DSG3: variants seen among roughly 807,000 people sequenced by gnomAD.
DSG3 encodes the protein desmoglein-3.
Under a neutral mutation model 85.9 loss-of-function variants are expected in DSG3, and 63 were observed. The ratio of observed to expected loss-of-function variants is 0.73; its 90% confidence interval spans 0.60 to 0.90. The LOEUF is 0.90. DSG3 is among the 40% of genes least tolerant of loss of function. DSG3 has a pLI of 0.00. For synonymous variants in DSG3, 447 were observed against 441.9 expected (o/e 1.01, Z -0.14); for missense variants, 1,220 against 1,219.9 (o/e 1.00, Z 0.00).
chr18:31,457,819 C>T (rs896412927), intron 3 of DSG3, among the ~76,000 whole-genome samples: 7 of 151,696 alleles, frequency 4.6e-5, no homozygotes, highest in East Asian at 3.9e-4. Context: ...TTAGTAGAGA[C>T]GGGGTTTCAC....
At position 31,457,086 on chromosome 18, in the gene DSG3, G is replaced by C; in HGVS notation, c.178G>C (p.Glu60Gln). Residue 60 changes from glutamate to glutamine, a missense_variant, in exon 3 of 16, where the codon GAA becomes CAA. By Grantham distance (29) the Glu-to-Gln change is conservative (BLOSUM62 2). Coordinates refer to ENST00000257189, the MANE Select transcript of DSG3 (RefSeq NM_001944.3). ...EWVKFAKPCR[E>Q]GEDNSKRNPI... ...GGTGAAATTTGCCAAACCCTGCAGA[G>C]AAGGAGAAGATAACTCAAAAAGAAA... 6.2e-7 allele frequency: 1 copy of C among 1,612,982 alleles called. No individual in the cohort carries two copies. Among genetic ancestry groups the C allele is most frequent in the Non-Finnish European group, 8.5e-7 (1 of 1,179,546 alleles).
At position 31,476,179 on chromosome 18, in the gene DSG3, T is replaced by C. The variant is rs201418907; in HGVS notation, c.2919T>C (p.Pro973=). The C allele has an allele frequency of 7.4e-6, 12 of 1,614,212 alleles. 1 individual carries two copies. Among genetic ancestry groups the C allele is most frequent in the Non-Finnish European group, 1.0e-5 (12 of 1,180,040 alleles). The change falls in exon 16 of 16, where the codon CCT becomes CCC. Residue 973 remains proline, a synonymous_variant. Coordinates refer to ENST00000257189, the MANE Select transcript of DSG3 (RefSeq NM_001944.3). The part of the protein sequence containing the change: ...ERVICPISSV[P]GNLAGPTQLR... ...TGATCTGTCCCATTTCCAGTGTTCC[T>C]GGCAACCTAGCTGGCCCAACGCAGC...
chr18:31,472,260 A>G (rs757651916), intron 12 of DSG3, 24 bp from the exon 13 acceptor site: 1 of 1,613,774 alleles, frequency 6.2e-7, no homozygotes, highest in Non-Finnish European at 8.5e-7. Context: ...AAGTGTTCTG[A>G]TGTTTTGTTT....
chr18:31,478,479 ATG>A lies in DSG3; in HGVS notation c.*2223_*2224del, dbSNP rs1228847364. 3 of 152,182 alleles carry A rather than the reference ATG, an allele frequency of 2.0e-5. No homozygotes were observed. Among genetic ancestry groups the A allele is most frequent in the African/African-American group, 4.8e-5 (2 of 41,434 alleles). The allele number at this position is 152,182 out of a possible 1,614,324, so 9.4% of individuals were successfully genotyped here. A position where few individuals can be genotyped will look rare whatever the true frequency, so the allele number is the denominator to read the frequency against. On this transcript the variant is annotated 3_prime_UTR_variant, in exon 16 of 16. Transcript: ENST00000257189. ...TATATAAGAGAGAAATTGAAATTAA[ATG>A]TGTTTTTAAATTTCAAAAAAAAATC...
intron 8 of DSG3, 69 bp from the exon 9 acceptor site, chr18:31,464,042 G>C (rs566342506): frequency 1.5e-5 from 21 of 1,431,636 alleles, no homozygotes; most frequent in Non-Finnish European, 1.8e-5. Context: ...ATAGTGTGCT[G>C]TCATCATCTA....
At chr18:31,467,034 A>G (rs1568089948) in intron 11 of DSG3, among the ~76,000 whole-genome samples, 1 of 152,158 alleles carries the variant, frequency 6.6e-6, no homozygotes, top group Non-Finnish European at 1.5e-5. Flanking sequence ...TAGTGCACCC[A>G]AAAAAGATTA....
At position 31,472,735 on chromosome 18, in the gene DSG3, A is replaced by G; in HGVS notation, c.2048A>G (p.Asn683Ser). 1 of 1,614,010 alleles carries G rather than the reference A, an allele frequency of 6.2e-7. No homozygotes were observed. The highest frequency in any genetic ancestry group is 8.5e-7 in the Non-Finnish European group (1 of 1,179,936). The part of the protein sequence containing the change: ...GAHPEDKEIT[N>S]ICVPPVTANG... ...TCACATGGTTTGCAGGAAATCACAAATATTTGTGTGCCTCCTGTAACAGCC... is the reference window on the plus strand; with the variant it reads ...TCACATGGTTTGCAGGAAATCACAAGTATTTGTGTGCCTCCTGTAACAGCC... The change falls in exon 14 of 16, where the codon AAT becomes AGT. Residue 683 changes from asparagine (N) to serine (S), a missense_variant. Asn to Ser is a conservative substitution (Grantham distance 46, BLOSUM62 1). Coordinates refer to ENST00000257189, the MANE Select transcript of DSG3 (RefSeq NM_001944.3).
intron 4 of DSG3, among the ~76,000 whole-genome samples, 157 bp downstream of exon 4, chr18:31,458,757 A>G (rs1479160414): frequency 2.6e-5 from 4 of 152,210 alleles, no homozygotes; most frequent in Non-Finnish European, 5.9e-5. Context: ...GCCTCGCCTG[A>G]GGGAACACAG....
At position 31,458,567 on chromosome 18, in the gene DSG3, T is replaced by C; in HGVS notation, c.339T>C (p.Ala113=). The C allele has an allele frequency of 6.2e-7, 1 of 1,613,966 alleles. No individual in the cohort carries two copies. Among genetic ancestry groups the C allele is most frequent in the Non-Finnish European group, 8.5e-7 (1 of 1,179,916 alleles). ...DKNTGDINIT[A]IVDREETPSF... ...ACACTGGAGATATTAACATAACAGCTATAGTCGACCGGGAGGAAACTCCAA... is the reference window on the plus strand; with the variant it reads ...ACACTGGAGATATTAACATAACAGCCATAGTCGACCGGGAGGAAACTCCAA... Residue 113 remains alanine (A), a synonymous_variant, in exon 4 of 16, where the codon GCT becomes GCC. Transcript: ENST00000257189.
In DSG3 at chr18:31,464,124, AACAACT is replaced by A; in HGVS notation, c.1018_1023del (p.Leu340_Gln341del). 2 of 1,612,114 alleles carry A rather than the reference AACAACT, an allele frequency of 1.2e-6. No homozygotes were observed. The highest frequency in any genetic ancestry group is 1.7e-6 in the Non-Finnish European group (2 of 1,179,026). Reference sequence around the variant, plus strand: ...TTTTTTCTCCAGGCTCTAGATTATGAACAACTACAAAGCGTGAAACTTAGTATTGCT... The same window carrying A: ...TTTTTTCTCCAGGCTCTAGATTATGAACAAAGCGTGAAACTTAGTATTGCT... On this transcript the variant is annotated inframe_deletion, in exon 9 of 16. Coordinates refer to ENST00000257189, the MANE Select transcript of DSG3 (RefSeq NM_001944.3).
rs550185588 is a variant in DSG3 at position 31,476,482 on chromosome 18, A to G, written c.*222A>G. 2.0e-5 allele frequency: 9 copies of G among 446,118 alleles called. No individual in the cohort carries two copies. Among genetic ancestry groups the G allele is most frequent in the African/African-American group, 1.4e-4 (7 of 49,858 alleles). The allele number at this position is 446,118 out of a possible 1,614,324, so 27.6% of individuals were successfully genotyped here. Reference sequence around the variant, plus strand: ...TACTATTCAAATTGTAGTAAATCTTAAAGTTTTTCAAAACCCTAAAATCAT... The same window carrying G: ...TACTATTCAAATTGTAGTAAATCTTGAAGTTTTTCAAAACCCTAAAATCAT... On this transcript the variant is annotated 3_prime_UTR_variant, in exon 16 of 16. Transcript: ENST00000257189.
chr18:31,457,592 CTTTCTTTCTTTCTTTCT>C (rs1568086514), intron 3 of DSG3, among the ~76,000 whole-genome samples: 12 of 48,206 alleles, frequency 2.5e-4, no homozygotes, highest in African/African-American at 7.4e-4. Context: ...TTTCTTCTTT[CTTTCTTTCTTTCTTTCT>C]TTCTTTCTTT....
chr18:31,447,938 T>G lies in DSG3; in HGVS notation c.48+13T>G, dbSNP rs748521213. ...GGCCATCTTCGTGGTAAGTCCTGGA[T>G]TTTCCTAATAATCACAAACTTCCCT... On this transcript the variant is annotated intron_variant, in intron 1 of 15. Coordinates refer to ENST00000257189, the MANE Select transcript of DSG3 (RefSeq NM_001944.3). 2 of 1,552,472 alleles carry G rather than the reference T, an allele frequency of 1.3e-6. No homozygotes were observed.
In DSG3 at chr18:31,475,980, C is replaced by T; in HGVS notation, c.2720C>T (p.Ala907Val). The change falls in exon 16 of 16, where the codon GCT becomes GTT. Residue 907 changes from alanine to valine, a missense_variant. Coordinates refer to ENST00000257189, the MANE Select transcript of DSG3 (RefSeq NM_001944.3). ...KCQTLSGSQG[A>V]SALSTSGSVQ... Reference sequence around the variant, plus strand: ...CAGACTTTGTCAGGAAGTCAAGGAGCTTCTGCTTTGTCCACCTCTGGGTCT... The same window carrying T: ...CAGACTTTGTCAGGAAGTCAAGGAGTTTCTGCTTTGTCCACCTCTGGGTCT... The T allele has an allele frequency of 1.2e-6, 2 of 1,614,208 alleles. No individual in the cohort carries two copies. Among genetic ancestry groups the T allele is most frequent in the South Asian group, 1.1e-5 (1 of 91,080 alleles).
rs544758748 is a variant in DSG3 at position 31,467,466 on chromosome 18, C to G, written c.1636+712C>G. Among the ~76,000 whole-genome samples, 4 of 152,336 alleles carry G rather than the reference C, an allele frequency of 2.6e-5. No homozygotes were observed. In the South Asian group the frequency reaches 8.3e-4, roughly 32 times the overall value. On this transcript the variant is annotated intron_variant, in intron 11 of 15. Coordinates refer to ENST00000257189, the MANE Select transcript of DSG3 (RefSeq NM_001944.3). ...TGTAGCATGAAGAAGTCAGTCTGCT[C>G]AAGGCTCACAGGGAGTGCCGCTTAC... is the stretch of plus-strand genomic sequence containing the variant.
intron 11 of DSG3, 97 bp from the exon 12 acceptor site, chr18:31,468,992 T>C (rs2072838170): frequency 2.0e-6 from 3 of 1,484,816 alleles, no homozygotes; most frequent in Non-Finnish European, 2.8e-6. Flanking sequence ...GTTTTCTTTA[T>C]GAATTATCCA....
chr18:31,460,051 G>A, intron 6 of DSG3, 40 bp downstream of exon 6: 3 of 1,560,512 alleles, frequency 1.9e-6, no homozygotes, highest in Non-Finnish European at 2.6e-6. Flanking sequence ...AGATTAAAGG[G>A]TTTGATTATA....
At chr18:31,456,403 A>G (rs767223615) in intron 1 of DSG3, 37 bp from the exon 2 acceptor site, 2 of 1,289,700 alleles carry the variant, frequency 1.6e-6, no homozygotes, top group Admixed American at 5.7e-5. Context: ...TATTTGAAGA[A>G]TTCACATTTA....
At chr18:31,460,486 A>G (rs936727592) in intron 6 of DSG3, among the ~76,000 whole-genome samples, 1 of 152,078 alleles carries the variant, frequency 6.6e-6, no homozygotes, top group Non-Finnish European at 1.5e-5. Flanking sequence ...ACCACCTTCT[A>G]TCTCCATTAC....
Sources: allele counts gnomAD v4.1 joint callset (sites outside exome capture counted in the v4.1 genomes callset), GRCh38; gene constraint gnomAD v4.1.1; transcripts MANE v1.5; gene names NCBI Gene and HGNC (gene_info 2026-07-23, HGNC 2026-07-21).